DLG2: variants seen among roughly 807,000 people sequenced by gnomAD.
DLG2 encodes discs large MAGUK scaffold protein 2, also known as disks large homolog 2.
DLG2 carries 45 observed loss-of-function variants against 132.5 expected under a neutral mutation model. That is an observed-to-expected ratio of 0.34 (90% CI 0.27 to 0.44). The LOEUF (loss-of-function observed/expected upper bound fraction) is 0.44. Ranked by LOEUF, DLG2 falls within the 20% of genes least tolerant of loss-of-function variation. The pLI is 1.00. For synonymous variants in DLG2, 424 were observed against 419.6 expected, an observed-to-expected ratio of 1.01 and a Z score of -0.13; for missense variants, 1,045 against 1,196.9, an observed-to-expected ratio of 0.87 and a Z score of 1.87.
At chr11:83,674,546 T>C (rs887603243) in intron 18 of DLG2, among the ~76,000 whole-genome samples, 1 of 152,254 alleles carries the variant, frequency 6.6e-6, no homozygotes, top group African/African-American at 2.4e-5. Context: ...ACATATGTGC[T>C]TTTAAATAAA....
chr11:84,341,885 T>C (rs1187847876), intron 7 of DLG2, among the ~76,000 whole-genome samples: 1 of 152,224 alleles, frequency 6.6e-6, no homozygotes, highest in African/African-American at 2.4e-5. Context: ...AATTTCAAAT[T>C]AGCAGTTTTT....
chr11:83,850,314 C>A (rs762552871), intron 16 of DLG2, among the ~76,000 whole-genome samples: 1 of 152,112 alleles, frequency 6.6e-6, no homozygotes, highest in African/African-American at 2.4e-5. Context: ...CCACCACTCC[C>A]GGCTAATTTT....
intron 6 of DLG2, among the ~76,000 whole-genome samples, chr11:85,016,939 T>G (rs1181327799): frequency 2.0e-5 from 3 of 152,176 alleles, no homozygotes; most frequent in Non-Finnish European, 2.9e-5. Flanking sequence ...ATAGCAGAGG[T>G]TGGCAAACCT....
intron 7 of DLG2, among the ~76,000 whole-genome samples, chr11:84,531,677 C>T: frequency 6.6e-6 from 1 of 152,038 alleles, no homozygotes; most frequent in Non-Finnish European, 1.5e-5. Flanking sequence ...ACTGGTGGTT[C>T]CAAAAAGGAG....
intron 4 of DLG2, among the ~76,000 whole-genome samples, chr11:85,167,053 T>C (rs2078505434): frequency 6.6e-6 from 1 of 152,158 alleles, no homozygotes; most frequent in African/African-American, 2.4e-5. Context: ...ATTCTTTTCT[T>C]TGGAAATGAA....
At position 85,360,964 on chromosome 11, in the gene DLG2, C is replaced by T. The variant is rs116429206; in HGVS notation, c.41-75599G>A. Among the ~76,000 whole-genome samples the T allele has an allele frequency of 2.2e-3, 331 of 152,192 alleles. 1 individual carries two copies. The highest frequency in any genetic ancestry group is 7.7e-3 in the African/African-American group (321 of 41,526). On this transcript the variant is annotated intron_variant, in intron 3 of 27. Coordinates refer to ENST00000376104, the MANE Select transcript of DLG2 (RefSeq NM_001142699.3). ...AATACCTTACATGTATAGAGAGTCT[C>T]ATTGTATGTAAAGCTCTTCCCTATA...
intron 18 of DLG2, among the ~76,000 whole-genome samples, chr11:83,707,219 T>C (rs2084222417): frequency 6.6e-6 from 1 of 152,164 alleles, no homozygotes; most frequent in African/African-American, 2.4e-5. Context: ...CCTATAAGCA[T>C]CCAAACTTCT....
At chr11:85,289,108 C>A (rs2078736226) in intron 3 of DLG2, among the ~76,000 whole-genome samples, 1 of 152,058 alleles carries the variant, frequency 6.6e-6, no homozygotes, top group South Asian at 2.1e-4. Flanking sequence ...ATGCCTTAAG[C>A]AACTACTAGA....
At chr11:85,147,772 A>C (rs952081279) in intron 5 of DLG2, among the ~76,000 whole-genome samples, 1 of 152,142 alleles carries the variant, frequency 6.6e-6, no homozygotes. Flanking sequence ...ATGTTCCAGG[A>C]TACAGACGCA....
chr11:84,286,098 T>C (rs2097907278), intron 7 of DLG2, among the ~76,000 whole-genome samples: 1 of 152,202 alleles, frequency 6.6e-6, no homozygotes, highest in African/African-American at 2.4e-5. Context: ...CTTACCAGCA[T>C]GTATCCTTTT....
At chr11:84,731,063 C>A (rs1048622697) in intron 6 of DLG2, among the ~76,000 whole-genome samples, 1 of 151,990 alleles carries the variant, frequency 6.6e-6, no homozygotes, top group East Asian at 1.9e-4. Context: ...AAGAAAATTA[C>A]CTTTTGGTAC....
At chr11:83,858,132 G>T (rs1195512771) in intron 16 of DLG2, among the ~76,000 whole-genome samples, 1 of 152,178 alleles carries the variant, frequency 6.6e-6, no homozygotes, top group African/African-American at 2.4e-5. Flanking sequence ...CCCCAAATAT[G>T]CAACGTGTCT....
intron 4 of DLG2, among the ~76,000 whole-genome samples, chr11:85,167,662 T>C (rs2078556131): frequency 6.6e-6 from 1 of 152,154 alleles, no homozygotes; most frequent in Non-Finnish European, 1.5e-5. Context: ...TACTTCTGCA[T>C]GGCTGCCCAC....
chr11:83,609,693 ATAACC>A (rs888040374), intron 19 of DLG2, among the ~76,000 whole-genome samples: 1 of 152,168 alleles, frequency 6.6e-6, no homozygotes, highest in Non-Finnish European at 1.5e-5. Flanking sequence ...TGGAGTTGAA[ATAACC>A]TGAAATTTGA....
chr11:83,646,869 T>A (rs2068357050), intron 18 of DLG2: 1 of 152,142 alleles, frequency 6.6e-6, no homozygotes, highest in Non-Finnish European at 1.5e-5. Flanking sequence ...CGTTCCTTTT[T>A]AAAAGCTACT....
chr11:83,516,556 A>G (rs2095302127), intron 21 of DLG2, among the ~76,000 whole-genome samples: 1 of 152,086 alleles, frequency 6.6e-6, no homozygotes, highest in Admixed American at 6.6e-5. Context: ...TGTGAATTTG[A>G]TCCTGTCATT....
At chr11:83,886,891 T>G (rs1458347437) in intron 15 of DLG2, among the ~76,000 whole-genome samples, 2 of 150,360 alleles carry the variant, frequency 1.3e-5, no homozygotes, top group African/African-American at 2.4e-5. Context: ...AGATGTTCTT[T>G]GAAACCAACG....
chr11:84,693,463 C>A (rs186126482), intron 6 of DLG2, among the ~76,000 whole-genome samples: 2 of 151,826 alleles, frequency 1.3e-5, no homozygotes, highest in African/African-American at 4.8e-5. Context: ...AATTCTATAA[C>A]CTGAAACGTA....
At chr11:84,495,802 A>G (rs967502957) in intron 7 of DLG2, among the ~76,000 whole-genome samples, 10 of 152,190 alleles carry the variant, frequency 6.6e-5, no homozygotes, top group African/African-American at 2.4e-4. Context: ...AGCTTTGCTC[A>G]CTGAAGCAAA....
Sources: allele counts gnomAD v4.1 joint callset (sites outside exome capture counted in the v4.1 genomes callset), GRCh38; gene constraint gnomAD v4.1.1; transcripts MANE v1.5; gene names NCBI Gene and HGNC (gene_info 2026-07-23, HGNC 2026-07-21).